CLYBL: variants seen among roughly 807,000 people sequenced by gnomAD.
The protein encoded by CLYBL is citramalyl-CoA lyase.
A neutral mutation model predicts 38.9 loss-of-function variants in CLYBL; 31 were observed. The observed-to-expected ratio is 0.80, with a 90% CI of 0.60 to 1.08. CLYBL has a LOEUF of 1.08. CLYBL is among the 50% of genes least tolerant of loss of function. The pLI, the probability that CLYBL is intolerant of heterozygous loss-of-function variation, is 0.00. For missense variants in CLYBL, 434 were observed against 411.6 expected (o/e 1.05, Z -0.47); for synonymous variants, 171 against 158.6 (o/e 1.08, Z -0.59).
intron 1 of CLYBL, among the ~76,000 whole-genome samples, chr13:99,671,011 T>C (rs1270671168): frequency 6.6e-6 from 1 of 152,202 alleles, no homozygotes; most frequent in Non-Finnish European, 1.5e-5. Flanking sequence ...CAACATCTTA[T>C]GCCACTCTCT....
chr13:99,753,933 C>T (rs184831578), intron 1 of CLYBL, among the ~76,000 whole-genome samples: 3 of 146,108 alleles, frequency 2.1e-5, no homozygotes, highest in African/African-American at 7.6e-5. Context: ...TACAAAAATA[C>T]AAAACTTAGC....
intron 1 of CLYBL, among the ~76,000 whole-genome samples, chr13:99,725,132 A>G (rs1168786894): frequency 1.3e-5 from 2 of 152,162 alleles, no homozygotes; most frequent in East Asian, 1.9e-4. Context: ...ACAGCTCTCT[A>G]AGCCTTGACA....
At chr13:99,744,223 C>T (rs757537823) in intron 1 of CLYBL, among the ~76,000 whole-genome samples, 4 of 152,230 alleles carry the variant, frequency 2.6e-5, no homozygotes, top group South Asian at 2.1e-4. Context: ...CCACCTGCCT[C>T]GCCCTCCCAA....
chr13:99,641,757 A>G (rs2047098381), intron 1 of CLYBL, among the ~76,000 whole-genome samples: 1 of 152,078 alleles, frequency 6.6e-6, no homozygotes, highest in Non-Finnish European at 1.5e-5. Flanking sequence ...GCTTGCAGTG[A>G]GCTGAGATCG....
rs79614470 is a variant in CLYBL at position 99,670,911 on chromosome 13, C to G, written c.62+64154C>G. Among the ~76,000 whole-genome samples the G allele has an allele frequency of 5.9e-3, 906 of 152,310 alleles. 9 individuals are homozygous for G. Among genetic ancestry groups the G allele is most frequent in the African/African-American group, 0.021 (858 of 41,564 alleles). ...TCATGTCACTTCCCTGCATATCTTT[C>G]AAAACATCCCATTGAACTTAGAATA... On this transcript the variant is annotated intron_variant, in intron 1 of 8. Transcript: ENST00000339105.
chr13:99,613,245 G>C (rs1472645834), intron 1 of CLYBL, among the ~76,000 whole-genome samples: 1 of 152,122 alleles, frequency 6.6e-6, no homozygotes, highest in Non-Finnish European at 1.5e-5. Context: ...TAGCAGCCAA[G>C]GAATGTGCCA....
chr13:99,646,973 G>A (rs1344734272), intron 1 of CLYBL, among the ~76,000 whole-genome samples: 5 of 152,110 alleles, frequency 3.3e-5, no homozygotes, highest in African/African-American at 7.2e-5. Flanking sequence ...GGTGGGCAGG[G>A]CCCCTTCCCC....
intron 2 of CLYBL, among the ~76,000 whole-genome samples, chr13:99,779,042 A>G (rs1411137745): frequency 6.6e-6 from 1 of 152,220 alleles, no homozygotes; most frequent in Non-Finnish European, 1.5e-5. Flanking sequence ...AGGAGACACA[A>G]GCTGTTGTTG....
chr13:99,883,895 C>T (rs2052280453), intron 7 of CLYBL, among the ~76,000 whole-genome samples: 1 of 152,220 alleles, frequency 6.6e-6, no homozygotes, highest in South Asian at 2.1e-4. Context: ...GTGATAGCTC[C>T]TTCTCTCTGC....
At chr13:99,737,310 C>G (rs969022386) in intron 1 of CLYBL, among the ~76,000 whole-genome samples, 3 of 152,214 alleles carry the variant, frequency 2.0e-5, no homozygotes, top group Admixed American at 2.0e-4. Flanking sequence ...AGTGTCTTCT[C>G]AGCCACAGTC....
intron 1 of CLYBL, among the ~76,000 whole-genome samples, chr13:99,745,042 A>G (rs1284785940): frequency 6.6e-6 from 1 of 152,244 alleles, no homozygotes; most frequent in Non-Finnish European, 1.5e-5. Flanking sequence ...ATCCCTTAGC[A>G]TGTCATTAGC....
At chr13:99,751,420 C>T (rs1229493183) in intron 1 of CLYBL, among the ~76,000 whole-genome samples, 1 of 152,010 alleles carries the variant, frequency 6.6e-6, no homozygotes, top group Non-Finnish European at 1.5e-5. Flanking sequence ...GGAGTTTTGC[C>T]ATGTTGACCA....
chr13:99,788,720 T>C (rs1171442253), intron 2 of CLYBL, among the ~76,000 whole-genome samples: 1 of 152,210 alleles, frequency 6.6e-6, no homozygotes, highest in East Asian at 1.9e-4. Context: ...CCTCATAAAA[T>C]GAGTTAGGGA....
At position 99,740,524 on chromosome 13, in the gene CLYBL, C is replaced by T. The variant is rs994469579; in HGVS notation, c.63-32300C>T. Among the ~76,000 whole-genome samples, 13 of 152,334 alleles carry T rather than the reference C, an allele frequency of 8.5e-5. No individual in the cohort carries two copies. In the South Asian group the frequency reaches 1.0e-3, roughly 12 times the overall value. On this transcript the variant is annotated intron_variant, in intron 1 of 8. Coordinates refer to ENST00000339105, the MANE Select transcript of CLYBL (RefSeq NM_206808.5). ...CTACGTGGGTTCTTACTCATTTCCCCTCTCCGTCTGTCTTGTATTTTCTAT... is the reference window on the plus strand; with the variant it reads ...CTACGTGGGTTCTTACTCATTTCCCTTCTCCGTCTGTCTTGTATTTTCTAT...
At chr13:99,727,042 C>T (rs1180652239) in intron 1 of CLYBL, among the ~76,000 whole-genome samples, 2 of 151,998 alleles carry the variant, frequency 1.3e-5, no homozygotes, top group African/African-American at 2.4e-5. Flanking sequence ...GCCTGAAATC[C>T]CAACTACTCG....
rs544188925 is a variant in CLYBL at position 99,628,256 on chromosome 13, G to A, written c.62+21499G>A. On this transcript the variant is annotated intron_variant, in intron 1 of 8. Transcript: ENST00000339105. Reference sequence around the variant, plus strand: ...ATATATATTTAAGTAAAAATAGAGAGGATCAGTGGCCTAATCAGCTTTACA... The same window carrying A: ...ATATATATTTAAGTAAAAATAGAGAAGATCAGTGGCCTAATCAGCTTTACA... 8.5e-5 allele frequency among the ~76,000 whole-genome samples: 13 copies of A among 152,302 alleles called. No homozygotes were observed. The East Asian group carries it at 2.5e-3, about 29-fold the overall frequency.
chr13:99,834,732 G>C (rs2050896546), intron 2 of CLYBL, among the ~76,000 whole-genome samples: 1 of 152,212 alleles, frequency 6.6e-6, no homozygotes, highest in Admixed American at 6.5e-5. Context: ...TGATAAGTCA[G>C]TCTAACTCTA....
At chr13:99,685,684 G>A (rs982929904) in intron 1 of CLYBL, among the ~76,000 whole-genome samples, 5 of 152,080 alleles carry the variant, frequency 3.3e-5, no homozygotes, top group Non-Finnish European at 5.9e-5. Flanking sequence ...CTTAGAGGCC[G>A]GGCACGGTGG....
intron 2 of CLYBL, among the ~76,000 whole-genome samples, chr13:99,786,740 T>C (rs190879744): frequency 2.0e-4 from 29 of 145,532 alleles, no homozygotes; most frequent in Admixed American, 1.5e-3. Flanking sequence ...GATGGCTGGG[T>C]CAAATGGTAT....
Sources: gnomAD v4.1 joint callset for allele counts (sites outside exome capture counted in the v4.1 genomes callset) on GRCh38, gnomAD v4.1.1 for gene constraint, MANE v1.5 for transcripts, NCBI Gene and HGNC (gene_info 2026-07-23, HGNC 2026-07-21) for gene names.